ANKRD17: variants seen among roughly 807,000 people sequenced by gnomAD.
The protein encoded by ANKRD17 is ankyrin repeat domain 17, also known as ankyrin repeat domain-containing protein 17.
ANKRD17 carries 19 observed loss-of-function variants against 229.7 expected under a neutral mutation model. That is an observed-to-expected ratio of 0.08 (90% confidence interval 0.06 to 0.12). The LOEUF (loss-of-function observed/expected upper bound fraction) is 0.12, where lower values mean the gene tolerates loss of function less well. ANKRD17 is among the 10% of genes least tolerant of loss of function. The pLI, the probability that ANKRD17 is intolerant of heterozygous loss-of-function variation, is 1.00. For synonymous variants in ANKRD17, 1,112 were observed against 1,146.1 expected (o/e 0.97, Z 0.60); for missense variants, 2,176 against 3,176.8 (o/e 0.68, Z 7.57).
chr4:73,098,632 C>A (rs941733418), intron 25 of ANKRD17, 112 bp from the exon 26 acceptor site: 2 of 1,018,446 alleles, frequency 2.0e-6, no homozygotes, highest in African/African-American at 1.6e-5. Flanking sequence ...CTACTATTAG[C>A]CATGTAAGTT....
intron 15 of ANKRD17, 104 bp downstream of exon 15, chr4:73,139,427 C>A (rs769005978): frequency 1.5e-5 from 20 of 1,350,406 alleles, no homozygotes; most frequent in Non-Finnish European, 2.0e-5. Context: ...ATGAGTCAGT[C>A]CAAAAATAGT....
chr4:73,215,299 C>A (rs1050595747), intron 1 of ANKRD17, among the ~76,000 whole-genome samples: 3 of 150,660 alleles, frequency 2.0e-5, no homozygotes, highest in Non-Finnish European at 4.4e-5. Flanking sequence ...CTTGCTCTGT[C>A]GCCAGGCTTG....
In ANKRD17 at chr4:73,144,790, C is replaced by T. The variant is rs780466827; in HGVS notation, c.1912G>A (p.Ala638Thr). ...EGGRTPLMKA[A>T]RAGHVCTVQF... is the part of the protein sequence containing the mutation. ...ACAGTACAAACATGACCAGCTCTTGCAGCTTTCATTAAAGGAGTTCTTCCA... is the reference window on the plus strand; with the variant it reads ...ACAGTACAAACATGACCAGCTCTTGTAGCTTTCATTAAAGGAGTTCTTCCA... The change falls in exon 11 of 34, where the codon GCA (alanine) becomes ACA (threonine). Residue 638 changes from alanine to threonine, a missense_variant. Coordinates refer to ENST00000358602, the MANE Select transcript of ANKRD17 (RefSeq NM_032217.5). 3.7e-6 allele frequency: 6 copies of T among 1,604,470 alleles called. No homozygotes were observed. Among genetic ancestry groups the T allele is most frequent in the Middle Eastern group, 1.7e-4 (1 of 6,008 alleles).
At chr4:73,192,385 CTATT>C (rs1737245609) in intron 1 of ANKRD17, among the ~76,000 whole-genome samples, 1 of 151,916 alleles carries the variant, frequency 6.6e-6, no homozygotes. Context: ...TGGTATGTAC[CTATT>C]TAAGTTGACT....
rs1360148246 is a variant in ANKRD17, at chr4:73,078,636, T to TCCTA, written c.7408+2_7408+5dup. 1.2e-6 allele frequency: 2 copies of TCCTA among 1,613,696 alleles called. No homozygotes were observed. The highest frequency in any genetic ancestry group is 4.5e-5 in the East Asian group (2 of 44,858). On this transcript the variant is annotated splice_donor_region_variant and intron_variant, in intron 31 of 33. Coordinates refer to ENST00000358602, the MANE Select transcript of ANKRD17 (RefSeq NM_032217.5). The stretch of plus-strand genomic sequence containing the variant: ...AATTTCTAGAGAGCAGGACAGAATA[T>TCCTA]CCTACCTTGATTGCCACCAATCCCT...
intron 1 of ANKRD17, among the ~76,000 whole-genome samples, chr4:73,212,804 T>G (rs1740472052): frequency 6.6e-6 from 1 of 151,280 alleles, no homozygotes; most frequent in South Asian, 2.1e-4. Context: ...TCACCTAAGA[T>G]CAGGAGTTCG....
intron 1 of ANKRD17, among the ~76,000 whole-genome samples, chr4:73,229,910 T>C (rs1249917423): frequency 2.6e-5 from 4 of 152,196 alleles, no homozygotes; most frequent in Non-Finnish European, 4.4e-5. Flanking sequence ...TCTACATTTA[T>C]GTTCAAATTA....
At chr4:73,193,216 T>G (rs1455847361) in intron 1 of ANKRD17, among the ~76,000 whole-genome samples, 3 of 152,216 alleles carry the variant, frequency 2.0e-5, no homozygotes, top group African/African-American at 7.2e-5. Context: ...GCTTGTGAGA[T>G]TCATAAATGT....
chr4:73,156,166 G>C lies in ANKRD17; in HGVS notation c.705C>G (p.Asn235Lys). The C allele has an allele frequency of 6.3e-7, 1 of 1,588,156 alleles. No individual in the cohort carries two copies. Among genetic ancestry groups the C allele is most frequent in the South Asian group, 1.2e-5 (1 of 85,778 alleles). The change falls in exon 4 of 34, where the codon AAC becomes AAG. Residue 235 changes from asparagine to lysine, a missense_variant and splice_region_variant. Around this residue, in one of 18 missense-constraint regions of ANKRD17, gnomAD observed 184 missense variants for 357.8 expected, o/e 0.51. Coordinates refer to ENST00000358602, the MANE Select transcript of ANKRD17 (RefSeq NM_032217.5). The part of the protein sequence containing the change: ...ESTANAGQSD[N>K]RSLAEACSEG... ...CTGAACAGGCTTCTGCCAAACTGCG[G>C]CTATTACGGAAAGAATATCACAATA...
chr4:73,125,105 C>A, intron 17 of ANKRD17, 47 bp from the exon 18 acceptor site: 1 of 1,606,062 alleles, frequency 6.2e-7, no homozygotes, highest in Non-Finnish European at 8.5e-7. Flanking sequence ...GGCAAAAGAA[C>A]AAAATATCTG....
intron 10 of ANKRD17, among the ~76,000 whole-genome samples, chr4:73,145,059 T>C (rs1351989766): frequency 6.6e-6 from 1 of 152,158 alleles, no homozygotes; most frequent in Non-Finnish European, 1.5e-5. Flanking sequence ...AAGTGAGCAC[T>C]GGAAATAATT....
intron 16 of ANKRD17, among the ~76,000 whole-genome samples, chr4:73,132,093 GA>G (rs1728278998): frequency 6.6e-6 from 1 of 150,798 alleles, no homozygotes; most frequent in Non-Finnish European, 1.5e-5. Context: ...TTACCTGCTT[GA>G]TATAAAAACT....
chr4:73,179,777 T>A (rs1321331229), intron 1 of ANKRD17, among the ~76,000 whole-genome samples: 1 of 151,682 alleles, frequency 6.6e-6, no homozygotes, highest in Non-Finnish European at 1.5e-5. Flanking sequence ...TTTTAAGTTA[T>A]CTTTAAAGGT....
intron 1 of ANKRD17, among the ~76,000 whole-genome samples, chr4:73,204,112 C>T (rs1392634040): frequency 6.6e-6 from 1 of 151,910 alleles, no homozygotes; most frequent in Non-Finnish European, 1.5e-5. Flanking sequence ...GTAATACCAG[C>T]ACTTTGGGAG....
intron 1 of ANKRD17, among the ~76,000 whole-genome samples, chr4:73,245,866 C>A (rs779089020): frequency 2.0e-5 from 3 of 152,020 alleles, no homozygotes; most frequent in Non-Finnish European, 2.9e-5. Context: ...TACATAGTCC[C>A]GATCTAAGAA....
intron 15 of ANKRD17, among the ~76,000 whole-genome samples, chr4:73,138,202 G>A (rs7660453): frequency 1.0e-3 from 156 of 152,172 alleles, no homozygotes; most frequent in Non-Finnish European, 2.1e-3. Flanking sequence ...ATTATAATCA[G>A]CTAGTCATGA....
chr4:73,092,367 T>TA, intron 28 of ANKRD17, 67 bp from the exon 29 acceptor site: 9 of 1,232,052 alleles, frequency 7.3e-6, no homozygotes, highest in Non-Finnish European at 1.0e-5. Context: ...GTGTTTTTAA[T>TA]ATGTATTTAT....
At chr4:73,118,880 CTTTTTTTTTT>C (rs751549226) in intron 21 of ANKRD17, 30 bp from the exon 22 acceptor site, 59 of 804,694 alleles carry the variant, frequency 7.3e-5, no homozygotes, top group Middle Eastern at 9.7e-4. Context: ...ATAGCATTGT[CTTTTTTTTTT>C]TTTTTTTTTT....
intron 1 of ANKRD17, among the ~76,000 whole-genome samples, chr4:73,231,302 C>A (rs926767623): frequency 2.0e-5 from 3 of 152,148 alleles, no homozygotes; most frequent in Admixed American, 6.5e-5. Flanking sequence ...GCATCAAGGG[C>A]ATGGAAAATA....
Sources: allele counts gnomAD v4.1 joint callset (sites outside exome capture counted in the v4.1 genomes callset), GRCh38; gene constraint gnomAD v4.1.1; regional missense constraint gnomAD v4.1.1; transcripts MANE v1.5; gene names NCBI Gene and HGNC (gene_info 2026-07-23, HGNC 2026-07-21).